Variants in DENND1A observed in about 807,000 individuals in gnomAD.
The protein encoded by DENND1A is DENN domain containing 1A.
Under a neutral mutation model 113.7 loss-of-function variants are expected in DENND1A, and 51 were observed. The ratio of observed to expected loss-of-function variants is 0.45; its 90% CI spans 0.36 to 0.57. DENND1A has a LOEUF of 0.57. Ranked by LOEUF, DENND1A falls within the 20% of genes least tolerant of loss-of-function variation. The pLI is 0.00. For synonymous variants in DENND1A, 565 were observed against 570.8 expected, an observed-to-expected ratio of 0.99 and a Z score of 0.14; for missense variants, 1,258 against 1,395.9, an observed-to-expected ratio of 0.90 and a Z score of 1.57.
At chr9:123,882,099 T>G (rs1177968951) in intron 1 of DENND1A, among the ~76,000 whole-genome samples, 1 of 152,080 alleles carries the variant, frequency 6.6e-6, no homozygotes, top group Non-Finnish European at 1.5e-5. Flanking sequence ...GATGATCTCA[T>G]TCAGTCTCTG....
chr9:123,505,278 CTACT>C (rs1375238515), intron 13 of DENND1A, among the ~76,000 whole-genome samples: 2 of 152,202 alleles, frequency 1.3e-5, no homozygotes, highest in East Asian at 3.8e-4. Context: ...AGAATCCATG[CTACT>C]TACTTACATA....
intron 13 of DENND1A, among the ~76,000 whole-genome samples, chr9:123,507,923 C>T (rs1453662230): frequency 3.9e-5 from 6 of 152,106 alleles, no homozygotes. Context: ...TACTGTGAAG[C>T]TTTGACTTTA....
At chr9:123,558,998 G>A (rs530310288) in intron 12 of DENND1A, among the ~76,000 whole-genome samples, 1 of 152,322 alleles carries the variant, frequency 6.6e-6, no homozygotes, top group Admixed American at 6.5e-5. Flanking sequence ...ACTGTGACGA[G>A]CCTGTAACAG....
Position 123,678,083 on chromosome 9 carries a change from C to T in DENND1A, c.303-1294G>A, listed in dbSNP as rs1239706371. 2.6e-5 allele frequency among the ~76,000 whole-genome samples: 4 copies of T among 152,284 alleles called. No homozygotes were observed. The East Asian group carries it at 5.8e-4, about 22-fold the overall frequency. ...CATCCCCACTTCATGTGCCCTAATT[C>T]TCTCTTTTCTGTGCTGCCCTGGTCA... On this transcript the variant is annotated intron_variant, in intron 5 of 23. Coordinates refer to ENST00000394215, the MANE Select transcript of DENND1A (RefSeq NM_001352964.2).
chr9:123,530,746 G>C (rs1001231416), intron 13 of DENND1A, among the ~76,000 whole-genome samples: 1 of 152,256 alleles, frequency 6.6e-6, no homozygotes, highest in Admixed American at 6.5e-5. Flanking sequence ...GTGTATACCT[G>C]AAACTGCAGA....
intron 1 of DENND1A, among the ~76,000 whole-genome samples, chr9:123,913,239 A>G (rs1358281691): frequency 6.6e-6 from 1 of 152,120 alleles, no homozygotes; most frequent in Non-Finnish European, 1.5e-5. Context: ...ACATGCGAGA[A>G]CCCACAGTTT....
chr9:123,485,636 GTA>G (rs1491391938), intron 13 of DENND1A: 4 of 93,994 alleles, frequency 4.3e-5, no homozygotes, highest in Admixed American at 1.1e-4. Flanking sequence ...GTGTGTGCGC[GTA>G]CACACACGCG....
chr9:123,806,509 G>A (rs571597529), intron 2 of DENND1A, among the ~76,000 whole-genome samples: 33 of 151,996 alleles, frequency 2.2e-4, no homozygotes, highest in Middle Eastern at 3.4e-3. Context: ...TGCCCGCCTC[G>A]GTCTCCCAAA....
chr9:123,421,308 G>A (rs566748055), intron 19 of DENND1A, among the ~76,000 whole-genome samples: 200 of 152,114 alleles, frequency 1.3e-3, no homozygotes, highest in African/African-American at 4.6e-3. Context: ...ATGTCACTCA[G>A]TGACTTGCCC....
At chr9:123,408,181 T>C (rs930815226) in intron 20 of DENND1A, among the ~76,000 whole-genome samples, 1 of 152,202 alleles carries the variant, frequency 6.6e-6, no homozygotes, top group Non-Finnish European at 1.5e-5. Context: ...AAAGCCACAC[T>C]GGAGGCTGAT....
chr9:123,858,926 T>C (rs772084676), intron 2 of DENND1A, among the ~76,000 whole-genome samples: 1 of 152,158 alleles, frequency 6.6e-6, no homozygotes, highest in Non-Finnish European at 1.5e-5. Context: ...GGGATTATAA[T>C]AGCATACAAA....
intron 21 of DENND1A, among the ~76,000 whole-genome samples, chr9:123,394,073 C>T (rs531341625): frequency 6.6e-6 from 1 of 151,866 alleles, no homozygotes; most frequent in Admixed American, 6.6e-5. Flanking sequence ...CTCACTGCAA[C>T]CTCCGCCTCA....
intron 4 of DENND1A, 98 bp downstream of exon 4, chr9:123,769,416 G>T: frequency 8.9e-7 from 1 of 1,128,218 alleles, no homozygotes; most frequent in East Asian, 2.5e-5. Flanking sequence ...TTAAATCATG[G>T]TTAAACAGAC....
intron 9 of DENND1A, among the ~76,000 whole-genome samples, chr9:123,643,491 A>G (rs541534383): frequency 1.3e-5 from 2 of 152,350 alleles, no homozygotes; most frequent in African/African-American, 4.8e-5. Context: ...CTAAATTATA[A>G]AGGGGGTGAT....
intron 7 of DENND1A, among the ~76,000 whole-genome samples, chr9:123,670,611 T>C (rs939602333): frequency 2.0e-5 from 3 of 152,222 alleles, no homozygotes; most frequent in African/African-American, 7.2e-5. Flanking sequence ...AGTATATATT[T>C]ATAGGCATTC....
chr9:123,500,117 A>C (rs2052339121), intron 13 of DENND1A, among the ~76,000 whole-genome samples: 1 of 152,202 alleles, frequency 6.6e-6, no homozygotes, highest in South Asian at 2.1e-4. Context: ...TTTCACATGT[A>C]CCCCTCAACC....
intron 4 of DENND1A, among the ~76,000 whole-genome samples, chr9:123,761,704 A>G (rs145209129): frequency 2.5e-3 from 374 of 152,326 alleles, no homozygotes; most frequent in African/African-American, 8.8e-3. Flanking sequence ...AGGCTCTAAA[A>G]GATTGTTTCC....
Position 123,611,988 on chromosome 9 carries a change from C to T in DENND1A, c.720-2507G>A, listed in dbSNP as rs543314261. ...TATCCAAAGAGTAATTATGGCCTAT[C>T]GCAGAAATGTAGTTTTCTTAGCCAA... On this transcript the variant is annotated intron_variant, in intron 10 of 23. Coordinates refer to ENST00000394215, the MANE Select transcript of DENND1A (RefSeq NM_001352964.2). 2.6e-5 allele frequency among the ~76,000 whole-genome samples: 4 copies of T among 152,298 alleles called. 1 individual carries two copies. The South Asian group carries it at 8.3e-4, about 32-fold the overall frequency.
intron 13 of DENND1A, among the ~76,000 whole-genome samples, chr9:123,504,242 T>C (rs891085098): frequency 1.3e-5 from 2 of 152,152 alleles, no homozygotes; most frequent in Non-Finnish European, 2.9e-5. Flanking sequence ...CCCGCCAAAA[T>C]ATCCCCTCCT....
Sources: gnomAD v4.1 joint callset for allele counts (sites outside exome capture counted in the v4.1 genomes callset) on GRCh38, gnomAD v4.1.1 for gene constraint, MANE v1.5 for transcripts, NCBI Gene and HGNC (gene_info 2026-07-23, HGNC 2026-07-21) for gene names.